The following TRPM6 variants were observed in gnomAD, a reference collection of about 807,000 sequenced individuals.
The protein encoded by TRPM6 is transient receptor potential cation channel subfamily M member 6.
Under a neutral mutation model 247.6 loss-of-function variants are expected in TRPM6, and 111 were observed. The ratio of observed to expected loss-of-function variants is 0.45; its 90% CI spans 0.38 to 0.52. The LOEUF is 0.52. Ranked by LOEUF, TRPM6 falls within the 20% of genes least tolerant of loss-of-function variation. The pLI is 0.00. For synonymous variants in TRPM6, 892 were observed against 853.8 expected, an observed-to-expected ratio of 1.04 and a Z score of -0.78; for missense variants, 2,126 against 2,421.5, an observed-to-expected ratio of 0.88 and a Z score of 2.56.
At chr9:74,866,606 T>TG (rs1830852476) in intron 1 of TRPM6, among the ~76,000 whole-genome samples, 1 of 152,074 alleles carries the variant, frequency 6.6e-6, no homozygotes, top group African/African-American at 2.4e-5. Flanking sequence ...CTCAGCCTCT[T>TG]GAGTAGCTGG....
intron 1 of TRPM6, among the ~76,000 whole-genome samples, chr9:74,865,489 T>C (rs968382624): frequency 2.0e-5 from 3 of 152,210 alleles, no homozygotes; most frequent in Non-Finnish European, 2.9e-5. Context: ...TTTACAACTG[T>C]CCCTCGATAG....
intron 27 of TRPM6, among the ~76,000 whole-genome samples, chr9:74,758,480 T>G (rs1047459494): frequency 6.6e-6 from 1 of 152,112 alleles, no homozygotes; most frequent in African/African-American, 2.4e-5. Context: ...ATTCTAACAT[T>G]ATAAAATTAA....
chr9:74,879,629 T>G (rs1200487713), intron 1 of TRPM6, among the ~76,000 whole-genome samples: 4 of 152,004 alleles, frequency 2.6e-5, no homozygotes, highest in Non-Finnish European at 5.9e-5. Context: ...GAGAAGAAAT[T>G]TTGACATCAT....
chr9:74,820,545 G>A (rs1829101954), intron 8 of TRPM6, 118 bp from the exon 9 acceptor site: 2 of 1,269,380 alleles, frequency 1.6e-6, no homozygotes, highest in Non-Finnish European at 2.2e-6. Flanking sequence ...GGACAGTTCT[G>A]CCAGAAGAGC....
chr9:74,782,911 C>T, intron 21 of TRPM6, 58 bp from the exon 22 acceptor site: 2 of 1,519,982 alleles, frequency 1.3e-6, no homozygotes, highest in Non-Finnish European at 1.8e-6. Flanking sequence ...TCAAAAGAAA[C>T]CAAACACCAG....
intron 1 of TRPM6, among the ~76,000 whole-genome samples, chr9:74,874,727 T>C (rs1399985995): frequency 1.3e-5 from 2 of 151,764 alleles, no homozygotes; most frequent in East Asian, 3.9e-4. Flanking sequence ...TAAGAATGTG[T>C]CACTCAAATG....
intron 3 of TRPM6, among the ~76,000 whole-genome samples, chr9:74,844,191 C>A (rs1830035029): frequency 6.6e-6 from 1 of 152,164 alleles, no homozygotes; most frequent in African/African-American, 2.4e-5. Context: ...AAGTCACCAG[C>A]ACAGATACTG....
rs754444706 is a variant in TRPM6, at chr9:74,724,611, T to G, written c.*2A>C. The G allele has an allele frequency of 6.2e-7, 1 of 1,614,120 alleles. No individual in the cohort carries two copies. Among genetic ancestry groups the G allele is most frequent in the Non-Finnish European group, 8.5e-7 (1 of 1,180,008 alleles). ...CACTGGGATCTTCTTGCTCCTCCCT[T>G]TTTATAGTTGCATATCATCTTCTGG... On this transcript the variant is annotated 3_prime_UTR_variant, in exon 39 of 39. Coordinates refer to ENST00000360774, the MANE Select transcript of TRPM6 (RefSeq NM_017662.5).
At chr9:74,782,287 A>G (rs1827490216) in intron 23 of TRPM6, 75 bp downstream of exon 23, 2 of 1,104,080 alleles carry the variant, frequency 1.8e-6, no homozygotes, top group South Asian at 1.3e-5. Context: ...ACATACTCAA[A>G]GTACATGTGA....
In TRPM6 at chr9:74,723,769, C is replaced by T. The variant is rs1400306125; in HGVS notation, c.*844G>A. ...GTGAGATCGCATCATTGCACTCCAG[C>T]CTGGGTAAAAAGAGTGAAACTCCAT... On this transcript the variant is annotated 3_prime_UTR_variant, in exon 39 of 39. Coordinates refer to ENST00000360774, the MANE Select transcript of TRPM6 (RefSeq NM_017662.5). 1 of 145,928 alleles carries T rather than the reference C, an allele frequency of 6.9e-6. No individual in the cohort carries two copies. Among genetic ancestry groups the T allele is most frequent in the Non-Finnish European group, 1.5e-5 (1 of 66,106 alleles). The allele number at this position is 145,928 out of a possible 1,614,324, so 9.0% of individuals were successfully genotyped here. A position where few individuals can be genotyped will look rare whatever the true frequency, so the allele number is the denominator to read the frequency against.
At chr9:74,813,500 G>C (rs1412935584) in intron 11 of TRPM6, among the ~76,000 whole-genome samples, 1 of 152,202 alleles carries the variant, frequency 6.6e-6, no homozygotes, top group Admixed American at 6.5e-5. Context: ...ACACCTTCCA[G>C]TCAGGGAACT....
At chr9:74,827,461 T>C (rs1179257154) in intron 7 of TRPM6, among the ~76,000 whole-genome samples, 1 of 152,032 alleles carries the variant, frequency 6.6e-6, no homozygotes, top group Non-Finnish European at 1.5e-5. Flanking sequence ...ACCTTGACCA[T>C]GGTGAACCCA....
intron 4 of TRPM6, among the ~76,000 whole-genome samples, chr9:74,841,794 C>A (rs1013849783): frequency 7.2e-5 from 11 of 152,184 alleles, no homozygotes; most frequent in African/African-American, 2.7e-4. Context: ...TGTGAGCCAA[C>A]GTGCCCAGCC....
intron 5 of TRPM6, among the ~76,000 whole-genome samples, chr9:74,834,626 A>G (rs1829660370): frequency 1.8e-5 from 2 of 110,230 alleles, no homozygotes; most frequent in South Asian, 6.5e-4. Context: ...ACCCCCTGAC[A>G]GGCCCTGGTG....
intron 25 of TRPM6, among the ~76,000 whole-genome samples, chr9:74,767,078 G>C (rs1270342993): frequency 1.3e-5 from 2 of 152,110 alleles, no homozygotes; most frequent in Non-Finnish European, 2.9e-5. Context: ...GGGTTTCCTA[G>C]AGTACCATGA....
chr9:74,817,059 A>G, intron 9 of TRPM6, 95 bp from the exon 10 acceptor site: 1 of 1,108,752 alleles, frequency 9.0e-7, no homozygotes, highest in Non-Finnish European at 1.4e-6. Context: ...GAGCTAATGA[A>G]TTGAGGAAAA....
rs1316641252 is a variant in TRPM6, at chr9:74,840,100, T to C, written c.468A>G (p.Lys156=). ...TAACCAAACCTTGGCTGAAAATCTC[T>C]TTAAATTTAGAGGGCATAGTAAAGT... The part of the protein sequence containing the change: ...IQNFTMPSKF[K]EIFSQGLVKA... Residue 156 remains lysine, a synonymous_variant, in exon 5 of 39, where the codon AAA becomes AAG. Transcript: ENST00000360774. The C allele has an allele frequency of 6.2e-7, 1 of 1,614,130 alleles. No homozygotes were observed. Among genetic ancestry groups the C allele is most frequent in the Admixed American group, 1.7e-5 (1 of 60,006 alleles).
At chr9:74,756,745 G>A (rs554133353) in intron 27 of TRPM6, among the ~76,000 whole-genome samples, 18 of 151,386 alleles carry the variant, frequency 1.2e-4, no homozygotes, top group African/African-American at 4.1e-4. Flanking sequence ...GGTACTCAAG[G>A]GGCTGAGGTG....
intron 31 of TRPM6, among the ~76,000 whole-genome samples, chr9:74,745,569 A>C (rs933118245): frequency 6.6e-6 from 1 of 152,148 alleles, no homozygotes; most frequent in African/African-American, 2.4e-5. Flanking sequence ...CCTCTCTCAT[A>C]AGGTGAAATT....
Sources: allele counts gnomAD v4.1 joint callset (sites outside exome capture counted in the v4.1 genomes callset), GRCh38; gene constraint gnomAD v4.1.1; transcripts MANE v1.5; gene names NCBI Gene and HGNC (gene_info 2026-07-23, HGNC 2026-07-21).